The following FERRY3 variants were observed in gnomAD, a reference collection of about 807,000 sequenced individuals.
The protein encoded by FERRY3 is FERRY endosomal RAB5 effector complex subunit 3.
the FERRY3 span, among the ~76,000 whole-genome samples, chr12:4,509,715 CAGAA>C: frequency 7.0e-6 from 1 of 142,764 alleles, no homozygotes; most frequent in African/African-American, 2.8e-5. Context: ...AACTAACAAA[CAGAA>C]AGGACATCCA....
the FERRY3 span, chr12:4,534,256 G>A: frequency 2.5e-6 from 4 of 1,611,724 alleles, no homozygotes; most frequent in Admixed American, 3.3e-5. Context: ...TATCATAATC[G>A]CTGAGGGATT....
chr12:4,509,714 A>C, the FERRY3 span, among the ~76,000 whole-genome samples: 196 of 142,414 alleles, frequency 1.4e-3, 3 homozygotes, highest in Admixed American at 7.5e-3. Context: ...AAACTAACAA[A>C]CAGAAAGGAC....
chr12:4,492,221 A>G, the FERRY3 span, among the ~76,000 whole-genome samples: 2 of 152,236 alleles, frequency 1.3e-5, no homozygotes, highest in Non-Finnish European at 2.9e-5. Context: ...ACTATTTTCT[A>G]AAACAAAAAA....
At chr12:4,507,642 C>G in the FERRY3 span, among the ~76,000 whole-genome samples, 5,519 of 152,078 alleles carry the variant, frequency 0.036, 332 homozygotes, top group African/African-American at 0.12. Flanking sequence ...AAAAAATAAG[C>G]AATAGATCAA....
chr12:4,530,675 TATC>T, the FERRY3 span, among the ~76,000 whole-genome samples: 2 of 152,186 alleles, frequency 1.3e-5, no homozygotes, highest in African/African-American at 4.8e-5. Flanking sequence ...CTTTTTAAAA[TATC>T]AGCAGGCTTT....
At chr12:4,495,844 A>G in the FERRY3 span, among the ~76,000 whole-genome samples, 5,521 of 152,344 alleles carry the variant, frequency 0.036, 330 homozygotes, top group African/African-American at 0.12. Context: ...AGAATTTGGT[A>G]TGAATTAATG....
the FERRY3 span, among the ~76,000 whole-genome samples, chr12:4,502,017 C>T: frequency 6.6e-6 from 1 of 152,150 alleles, no homozygotes; most frequent in Admixed American, 6.5e-5. This position sits in a 1 kb window ranked among gnomAD's most constrained non-coding sequence, Gnocchi z 4.2. Flanking sequence ...AGCTTGTTTC[C>T]AATTCAGGGC....
chr12:4,523,232 A>G, the FERRY3 span, among the ~76,000 whole-genome samples: 9 of 152,250 alleles, frequency 5.9e-5, no homozygotes, highest in Admixed American at 5.9e-4. Flanking sequence ...TCTATCAAAA[A>G]GAAAAGCAAA....
At chr12:4,490,252 T>A in the FERRY3 span, among the ~76,000 whole-genome samples, 1 of 152,182 alleles carries the variant, frequency 6.6e-6, no homozygotes, top group Admixed American at 6.6e-5. Flanking sequence ...CTTTATAATC[T>A]ATATAATACA....
At chr12:4,526,336 T>C in the FERRY3 span, among the ~76,000 whole-genome samples, 2 of 152,196 alleles carry the variant, frequency 1.3e-5, no homozygotes, top group Non-Finnish European at 1.5e-5. Context: ...TAATGAGCTG[T>C]ACACCCACAG....
the FERRY3 span, chr12:4,502,586 C>A: frequency 8.7e-6 from 3 of 346,462 alleles, no homozygotes; most frequent in Non-Finnish European, 1.7e-5. This position sits in a 1 kb window ranked among gnomAD's most constrained non-coding sequence, Gnocchi z 4.2. Flanking sequence ...GAAAGGTCTG[C>A]GTATCTCTAC....
chr12:4,525,548 A>G, the FERRY3 span: 1 of 1,612,232 alleles, frequency 6.2e-7, no homozygotes, highest in South Asian at 1.1e-5. Context: ...TGATTTTCCC[A>G]ATTCCTGCAT....
At chr12:4,535,434 T>TTGTTTGTACAATG in the FERRY3 span, among the ~76,000 whole-genome samples, 1 of 152,374 alleles carries the variant, frequency 6.6e-6, no homozygotes, top group East Asian at 1.9e-4. This position sits in a 1 kb window ranked among gnomAD's most constrained non-coding sequence, Gnocchi z 4.0. Context: ...TCCAGTTTCC[T>TTGTTTGTACAATG]TGTTTGTACA....
the FERRY3 span, among the ~76,000 whole-genome samples, chr12:4,505,990 CT>C: frequency 3.3e-5 from 5 of 151,856 alleles, no homozygotes; most frequent in East Asian, 3.9e-4. Flanking sequence ...AATGAAACAG[CT>C]TTTTTTTCAG....
At chr12:4,507,439 G>A in the FERRY3 span, among the ~76,000 whole-genome samples, 1 of 152,108 alleles carries the variant, frequency 6.6e-6, no homozygotes, top group African/African-American at 2.4e-5. Context: ...TCCCTTTAGT[G>A]GGAATATAAA....
At chr12:4,503,580 A>G in the FERRY3 span, among the ~76,000 whole-genome samples, 3 of 152,178 alleles carry the variant, frequency 2.0e-5, no homozygotes, top group Non-Finnish European at 4.4e-5. Flanking sequence ...TTGTGTAGGT[A>G]TACTTTAAAT....
At chr12:4,495,711 T>A in the FERRY3 span, among the ~76,000 whole-genome samples, 4 of 152,242 alleles carry the variant, frequency 2.6e-5, no homozygotes, top group Non-Finnish European at 4.4e-5. Context: ...GTTGTCCCAC[T>A]TGTCCAAAGG....
the FERRY3 span, chr12:4,534,255 C>T: frequency 8.7e-6 from 14 of 1,612,214 alleles, no homozygotes; most frequent in South Asian, 7.7e-5. Context: ...CTATCATAAT[C>T]GCTGAGGGAT....
At chr12:4,493,907 A>G in the FERRY3 span, among the ~76,000 whole-genome samples, 1 of 152,136 alleles carries the variant, frequency 6.6e-6, no homozygotes, top group South Asian at 2.1e-4. Flanking sequence ...AGCCTGGCCA[A>G]CGTGGTGAAA....
Sources: allele counts gnomAD v4.1 joint callset (sites outside exome capture counted in the v4.1 genomes callset), GRCh38; gene constraint gnomAD v4.1.1; non-coding constraint Gnocchi (gnomAD v3.1); transcripts MANE v1.5; gene names NCBI Gene and HGNC (gene_info 2026-07-23, HGNC 2026-07-21).